CLUL1: variants seen among roughly 807,000 people sequenced by gnomAD.
CLUL1 encodes the protein clusterin like 1.
A neutral mutation model predicts 49.4 loss-of-function variants in CLUL1; 43 were observed. That is an observed-to-expected ratio of 0.87 (90% CI 0.68 to 1.12). The LOEUF is 1.12. CLUL1 is among the 50% of genes most tolerant of loss of function. CLUL1 has a pLI of 0.00. For missense variants in CLUL1, 486 were observed against 544.4 expected (o/e 0.89, Z 1.07); for synonymous variants, 192 against 184.9 (o/e 1.04, Z -0.31).
chr18:620,650 A>G (rs577030909), intron 4 of CLUL1, among the ~76,000 whole-genome samples: 1 of 152,304 alleles, frequency 6.6e-6, no homozygotes, highest in South Asian at 2.1e-4. Flanking sequence ...CAGCCTAATC[A>G]CTTTTTCAAA....
At chr18:601,645 C>CAAAA (rs34502741) in intron 1 of CLUL1, among the ~76,000 whole-genome samples, 2 of 138,696 alleles carry the variant, frequency 1.4e-5, no homozygotes, top group African/African-American at 5.4e-5. Context: ...GACTCCATCT[C>CAAAA]AAAAAAAAAA....
At chr18:599,768 T>C (rs569701284) in intron 1 of CLUL1, among the ~76,000 whole-genome samples, 6 of 152,042 alleles carry the variant, frequency 3.9e-5, no homozygotes, top group Admixed American at 2.0e-4. Context: ...CCATCTCTAC[T>C]AAAAATACAA....
At chr18:628,486 C>T (rs370340891) in intron 6 of CLUL1, among the ~76,000 whole-genome samples, 46 of 152,036 alleles carry the variant, frequency 3.0e-4, no homozygotes, top group African/African-American at 1.0e-3. Flanking sequence ...AAGTTAGATA[C>T]CGCATTCGAG....
At chr18:608,884 A>G (rs2073055401) in intron 2 of CLUL1, among the ~76,000 whole-genome samples, 1 of 152,236 alleles carries the variant, frequency 6.6e-6, no homozygotes, top group East Asian at 1.9e-4. Flanking sequence ...AATTTACTTG[A>G]CCATTATAAT....
intron 2 of CLUL1, among the ~76,000 whole-genome samples, chr18:609,250 G>A (rs1262021784): frequency 6.6e-6 from 1 of 152,092 alleles, no homozygotes. Flanking sequence ...CCACCCACAA[G>A]GACACTCTGT....
At chr18:637,803 C>G (rs1247631768) in intron 7 of CLUL1, among the ~76,000 whole-genome samples, 1 of 151,912 alleles carries the variant, frequency 6.6e-6, no homozygotes, top group South Asian at 2.1e-4. Context: ...GGCGAAACCC[C>G]GTTCTACTAA....
intron 6 of CLUL1, among the ~76,000 whole-genome samples, chr18:632,224 T>G (rs1203247116): frequency 1.3e-5 from 2 of 152,166 alleles, no homozygotes; most frequent in Non-Finnish European, 2.9e-5. Flanking sequence ...GGGAAAAAAC[T>G]TCTCAAAACT....
In CLUL1 at chr18:633,966, G is replaced by T. The variant is rs118033795; in HGVS notation, c.994+531G>T. Among the ~76,000 whole-genome samples, 134 of 152,298 alleles carry T rather than the reference G, an allele frequency of 8.8e-4. 4 individuals carry two copies. The East Asian group carries it at 0.024, about 27-fold the overall frequency. On this transcript the variant is annotated intron_variant, in intron 7 of 9. Coordinates refer to ENST00000692774, the MANE Select transcript of CLUL1 (RefSeq NM_001393344.1). The stretch of plus-strand genomic sequence containing the variant: ...TACTGACATACTGATTCTTTGGAAA[G>T]AAATTTAGAACTCACATCTAACAAT...
chr18:645,683 A>G (rs1486988394), intron 9 of CLUL1, among the ~76,000 whole-genome samples: 2 of 147,500 alleles, frequency 1.4e-5, no homozygotes, highest in Non-Finnish European at 3.0e-5. Flanking sequence ...AGTCCCAGCT[A>G]CTCGGGAGGC....
chr18:645,810 A>AAAATATATAT (rs1451607900), intron 9 of CLUL1, among the ~76,000 whole-genome samples: 3 of 29,864 alleles, frequency 1.0e-4, no homozygotes, highest in Non-Finnish European at 1.8e-4. Context: ...AAAAAAAAAA[A>AAAATATATAT]ATATATATAT....
intron 1 of CLUL1, among the ~76,000 whole-genome samples, chr18:604,853 A>G (rs1191531040): frequency 2.0e-5 from 3 of 152,208 alleles, no homozygotes; most frequent in Admixed American, 6.5e-5. Context: ...GGGCTTCTAT[A>G]TAAAACCTGA....
At chr18:642,548 C>T (rs1488399205) in intron 8 of CLUL1, among the ~76,000 whole-genome samples, 1 of 152,210 alleles carries the variant, frequency 6.6e-6, no homozygotes, top group Non-Finnish European at 1.5e-5. Flanking sequence ...CTAAGACATC[C>T]CCCCTCCAAC....
intron 7 of CLUL1, among the ~76,000 whole-genome samples, chr18:640,583 G>A (rs191522941): frequency 1.7e-3 from 252 of 152,116 alleles, no homozygotes; most frequent in Non-Finnish European, 3.0e-3. Flanking sequence ...GGTTAGCCAT[G>A]TGAATGCATG....
intron 7 of CLUL1, among the ~76,000 whole-genome samples, chr18:638,979 A>G (rs567805533): frequency 6.6e-6 from 1 of 152,306 alleles, no homozygotes; most frequent in South Asian, 2.1e-4. Flanking sequence ...GGAAAGTGCT[A>G]TTTTGAATTT....
intron 7 of CLUL1, among the ~76,000 whole-genome samples, chr18:638,389 A>C (rs1483380535): frequency 6.6e-6 from 1 of 152,244 alleles, no homozygotes; most frequent in Non-Finnish European, 1.5e-5. Context: ...ATACATTAAA[A>C]TGCACCTGAT....
intron 2 of CLUL1, among the ~76,000 whole-genome samples, chr18:614,325 A>G (rs1406576510): frequency 1.1e-5 from 1 of 92,822 alleles, no homozygotes; most frequent in African/African-American, 3.2e-5. Flanking sequence ...GAGGGAGGGA[A>G]GGAAGGGAGG....
chr18:646,487 C>T (rs1436739973), intron 9 of CLUL1, among the ~76,000 whole-genome samples: 1 of 127,722 alleles, frequency 7.8e-6, no homozygotes, highest in African/African-American at 3.0e-5. Context: ...GGGCACAAGA[C>T]AGATAGATAG....
intron 7 of CLUL1, among the ~76,000 whole-genome samples, chr18:637,424 G>C (rs13381332): frequency 0.11 from 16,434 of 151,968 alleles, 1,126 homozygotes; most frequent in African/African-American, 0.18. Flanking sequence ...AGCCTCTCCC[G>C]ACCTCAGTAG....
At chr18:644,252 G>C (rs751901392) in intron 8 of CLUL1, among the ~76,000 whole-genome samples, 1 of 152,156 alleles carries the variant, frequency 6.6e-6, no homozygotes, top group African/African-American at 2.4e-5. Context: ...ATCAAGTTGC[G>C]TATCAGTTCA....
Sources: allele counts gnomAD v4.1 joint callset (sites outside exome capture counted in the v4.1 genomes callset), GRCh38; gene constraint gnomAD v4.1.1; transcripts MANE v1.5; gene names NCBI Gene and HGNC (gene_info 2026-07-23, HGNC 2026-07-21).